The following PDZRN4 variants were observed in gnomAD, a reference collection of about 807,000 sequenced individuals.
The protein encoded by PDZRN4 is PDZ domain containing ring finger 4.
PDZRN4 carries 70 observed loss-of-function variants against 99.0 expected under a neutral mutation model. The ratio of observed to expected loss-of-function variants is 0.71; its 90% confidence interval spans 0.58 to 0.86. The LOEUF (loss-of-function observed/expected upper bound fraction) is 0.86. Among genes scored for constraint, PDZRN4 ranks in the 40% least tolerant of loss-of-function variants. The pLI is 0.00. For synonymous variants in PDZRN4, 551 were observed against 501.6 expected (o/e 1.10, Z -1.32); for missense variants, 1,474 against 1,331.2 (o/e 1.11, Z -1.67).
intron 3 of PDZRN4, among the ~76,000 whole-genome samples, chr12:41,447,155 A>G (rs1952736198): frequency 6.6e-6 from 1 of 152,124 alleles, no homozygotes; most frequent in South Asian, 2.1e-4. Context: ...ATGTATAAAT[A>G]TTGTTTGCTT....
chr12:41,489,261 G>C (rs1045137413), intron 3 of PDZRN4, among the ~76,000 whole-genome samples: 1 of 151,988 alleles, frequency 6.6e-6, no homozygotes, highest in Non-Finnish European at 1.5e-5. Flanking sequence ...TTTTGGGTGG[G>C]GGCAGAGGTG....
chr12:41,399,339 T>C (rs190468891), intron 3 of PDZRN4, among the ~76,000 whole-genome samples: 14 of 152,346 alleles, frequency 9.2e-5, no homozygotes, highest in Admixed American at 9.2e-4. Flanking sequence ...CCCTATATTC[T>C]ATTGCTTATT....
intron 5 of PDZRN4, among the ~76,000 whole-genome samples, chr12:41,547,250 T>A (rs1938969989): frequency 6.6e-6 from 1 of 152,230 alleles, no homozygotes; most frequent in Non-Finnish European, 1.5e-5. Flanking sequence ...AGATTGCTTT[T>A]GGGTGGAAGC....
intron 5 of PDZRN4, among the ~76,000 whole-genome samples, chr12:41,539,648 A>T (rs1409938622): frequency 6.6e-6 from 1 of 152,156 alleles, no homozygotes; most frequent in African/African-American, 2.4e-5. Context: ...AGCTGATAGA[A>T]ATGAAGTTCA....
At chr12:41,359,250 T>A (rs1951949208) in intron 3 of PDZRN4, among the ~76,000 whole-genome samples, 1 of 151,984 alleles carries the variant, frequency 6.6e-6, no homozygotes, top group Non-Finnish European at 1.5e-5. Flanking sequence ...GGAATTGAAT[T>A]GGAATAAAAC....
At chr12:41,206,693 C>T (rs957759742) in intron 3 of PDZRN4, among the ~76,000 whole-genome samples, 18 of 151,794 alleles carry the variant, frequency 1.2e-4, no homozygotes, top group African/African-American at 4.1e-4. Context: ...GCCCTGCTAT[C>T]AAAACTCTGT....
chr12:41,237,053 G>A (rs1951072561), intron 3 of PDZRN4, among the ~76,000 whole-genome samples: 1 of 151,928 alleles, frequency 6.6e-6, no homozygotes, highest in African/African-American at 2.4e-5. Flanking sequence ...AAGGCAAGAA[G>A]GATTAGAATT....
intron 3 of PDZRN4, among the ~76,000 whole-genome samples, chr12:41,422,675 A>G (rs10785267): frequency 0.48 from 72,083 of 151,540 alleles, 17,330 homozygotes; most frequent in African/African-American, 0.56. Flanking sequence ...TCAGAACAGC[A>G]TGGGGGAAAC....
At chr12:41,417,354 GAATA>G (rs1952453675) in intron 3 of PDZRN4, among the ~76,000 whole-genome samples, 1 of 152,176 alleles carries the variant, frequency 6.6e-6, no homozygotes, top group Non-Finnish European at 1.5e-5. Flanking sequence ...AGCACAAACT[GAATA>G]GCATTACCTA....
At position 41,204,744 on chromosome 12, in the gene PDZRN4, A is replaced by T. The variant is rs370207373; in HGVS notation, c.843+10556A>T. Among the ~76,000 whole-genome samples the T allele has an allele frequency of 5.3e-5, 8 of 152,104 alleles. No individual in the cohort carries two copies. The Middle Eastern group carries it at 0.014, about 259-fold the overall frequency. ...TCTCCCTTGACGTGGGGATTATGGG[A>T]ATTACAATTCAGGATGAGATTTTGG... On this transcript the variant is annotated intron_variant, in intron 3 of 9. Coordinates refer to ENST00000402685, the MANE Select transcript of PDZRN4 (RefSeq NM_001164595.2).
At chr12:41,224,009 G>C (rs987523351) in intron 3 of PDZRN4, among the ~76,000 whole-genome samples, 4 of 152,246 alleles carry the variant, frequency 2.6e-5, no homozygotes, top group African/African-American at 9.6e-5. Context: ...GGGGGACTAA[G>C]TTCTAGAGTG....
At chr12:41,333,943 T>G (rs1157216734) in intron 3 of PDZRN4, among the ~76,000 whole-genome samples, 2 of 152,152 alleles carry the variant, frequency 1.3e-5, no homozygotes, top group African/African-American at 4.8e-5. Flanking sequence ...TTTGAACAAT[T>G]AAACATTCTA....
chr12:41,555,052 CAAAAAAAAAAA>C (rs67810817), intron 6 of PDZRN4, among the ~76,000 whole-genome samples: 4,696 of 113,596 alleles, frequency 0.041, 150 homozygotes, highest in African/African-American at 0.081. Context: ...ACTAAAAATA[CAAAAAAAAAAA>C]AAAAAAAAAA....
chr12:41,496,951 C>G (rs549722298), intron 3 of PDZRN4, among the ~76,000 whole-genome samples: 5 of 152,078 alleles, frequency 3.3e-5, no homozygotes, highest in Non-Finnish European at 7.4e-5. Context: ...GTATAATGAA[C>G]CTCTGGTGAA....
At chr12:41,402,185 A>G (rs1247473988) in intron 3 of PDZRN4, among the ~76,000 whole-genome samples, 7 of 107,088 alleles carry the variant, frequency 6.5e-5, no homozygotes, top group African/African-American at 2.8e-4. Context: ...GAGTATATAT[A>G]TATATACACA....
At chr12:41,407,147 A>C (rs1952356233) in intron 3 of PDZRN4, among the ~76,000 whole-genome samples, 1 of 152,190 alleles carries the variant, frequency 6.6e-6, no homozygotes, top group African/African-American at 2.4e-5. Context: ...TGCCTTTATT[A>C]ATAGTACAAG....
intron 3 of PDZRN4, among the ~76,000 whole-genome samples, chr12:41,402,115 G>GTA (rs56031225): frequency 0.19 from 4,923 of 25,820 alleles, 872 homozygotes; most frequent in Middle Eastern, 0.25. Flanking sequence ...TACACACTGA[G>GTA]TATATATATA....
At chr12:41,476,638 A>T (rs1953045489) in intron 3 of PDZRN4, among the ~76,000 whole-genome samples, 1 of 152,174 alleles carries the variant, frequency 6.6e-6, no homozygotes, top group African/African-American at 2.4e-5. Flanking sequence ...TGTTGTATTT[A>T]TGAAAAGCTC....
intron 3 of PDZRN4, among the ~76,000 whole-genome samples, chr12:41,307,552 A>C (rs1057365636): frequency 6.6e-6 from 1 of 152,128 alleles, no homozygotes; most frequent in African/African-American, 2.4e-5. Context: ...TGAGAGGGCC[A>C]TAAGTAAAGC....
Sources: gnomAD v4.1 joint callset for allele counts (sites outside exome capture counted in the v4.1 genomes callset) on GRCh38, gnomAD v4.1.1 for gene constraint, MANE v1.5 for transcripts, NCBI Gene and HGNC (gene_info 2026-07-23, HGNC 2026-07-21) for gene names.